The following KLRD1 variants were observed in gnomAD, a reference collection of about 807,000 sequenced individuals.
The protein encoded by KLRD1 is killer cell lectin like receptor D1, also known as natural killer cells antigen CD94.
Under a neutral mutation model 22.6 loss-of-function variants are expected in KLRD1, and 21 were observed. The ratio of observed to expected loss-of-function variants is 0.93; its 90% CI spans 0.66 to 1.34. KLRD1 has a LOEUF of 1.34. Ranked by LOEUF, KLRD1 falls within the 40% of genes most tolerant of loss-of-function variation. The pLI, the probability that KLRD1 is intolerant of heterozygous loss-of-function variation, is 0.00. For synonymous variants in KLRD1, 59 were observed against 71.1 expected, an observed-to-expected ratio of 0.83 and a Z score of 0.85; for missense variants, 183 against 208.6, an observed-to-expected ratio of 0.88 and a Z score of 0.76.
chr12:10,254,500 T>G (rs909603268), intron 1 of KLRD1, among the ~76,000 whole-genome samples: 1 of 151,048 alleles, frequency 6.6e-6, no homozygotes, highest in Non-Finnish European at 1.5e-5. Flanking sequence ...AGAAAATATT[T>G]GCAAACTATG....
chr12:10,273,070 T>C (rs116950613), intron 1 of KLRD1, among the ~76,000 whole-genome samples: 2,020 of 152,302 alleles, frequency 0.013, 22 homozygotes, highest in Non-Finnish European at 0.022. Flanking sequence ...ATATAATCTC[T>C]AACATAATTA....
At chr12:10,302,354 T>C (rs991431864), upstream of KLRD1, among the ~76,000 whole-genome samples, 1 of 152,164 alleles carries the variant, frequency 6.6e-6, no homozygotes, top group Non-Finnish European at 1.5e-5. Flanking sequence ...CCCATAAAAA[T>C]TCAGGATATT....
At chr12:10,305,548 A>T (rs1009557328), upstream of KLRD1, among the ~76,000 whole-genome samples, 20 of 152,212 alleles carry the variant, frequency 1.3e-4, no homozygotes, top group African/African-American at 4.8e-4. Context: ...TGGGCAAAAC[A>T]CAATGTTCAG....
intron 1 of KLRD1, among the ~76,000 whole-genome samples, chr12:10,250,706 T>C (rs1949338930): frequency 6.6e-6 from 1 of 152,118 alleles, no homozygotes; most frequent in African/African-American, 2.4e-5. Context: ...TAAACACATT[T>C]TAAAATTTAC....
At position 10,315,400 on chromosome 12, in the gene KLRD1, A is replaced by G. The variant is rs1003316650; in HGVS notation, c.*607A>G. Reference sequence around the variant, plus strand: ...CTTGGATTCCCAAAGTGCTGGGATTATAGGTGTGAACCACCATCCCTGGCC... The same window carrying G: ...CTTGGATTCCCAAAGTGCTGGGATTGTAGGTGTGAACCACCATCCCTGGCC... On this transcript the variant is annotated 3_prime_UTR_variant, in exon 6 of 6. Coordinates refer to ENST00000336164, the MANE Select transcript of KLRD1 (RefSeq NM_002262.5). 8.9e-5 allele frequency: 29 copies of G among 325,986 alleles called. No homozygotes were observed. The highest frequency in any genetic ancestry group is 6.3e-4 in the African/African-American group (28 of 44,726). 20.2% of individuals were successfully genotyped at this position (325,986 alleles called of 1,614,324 possible). A position where few individuals can be genotyped will look rare whatever the true frequency, so the allele number is the denominator to read the frequency against.
chr12:10,289,893 C>G (rs1949750010), intron 1 of KLRD1, among the ~76,000 whole-genome samples: 1 of 152,172 alleles, frequency 6.6e-6, no homozygotes, highest in African/African-American at 2.4e-5. Context: ...ATTCTCCTGC[C>G]TCAGCCTCCC....
chr12:10,327,132 C>G lies in KLRD1; in HGVS notation c.*12339C>G, dbSNP rs1321865317. The G allele has an allele frequency of 6.6e-6, 1 of 152,096 alleles. No homozygotes were observed. Among genetic ancestry groups the G allele is most frequent in the African/African-American group, 2.4e-5 (1 of 41,406 alleles). The allele number at this position is 152,096 out of a possible 1,614,324, so 9.4% of individuals were successfully genotyped here. ...CTTTGCAATATGGATGTTCATTTTT[C>G]CCGTCACTGTTTGTTGAAGAAACTG... On this transcript the variant is annotated 3_prime_UTR_variant, in exon 6 of 6. Transcript: ENST00000336164.
At chr12:10,285,774 C>G (rs2137659813) in intron 1 of KLRD1, among the ~76,000 whole-genome samples, 1 of 152,212 alleles carries the variant, frequency 6.6e-6, no homozygotes, top group East Asian at 1.9e-4. Flanking sequence ...TTGTGATTGA[C>G]TCTTTCCTAT....
At chr12:10,272,886 T>C (rs950458339) in intron 1 of KLRD1, among the ~76,000 whole-genome samples, 8 of 152,218 alleles carry the variant, frequency 5.3e-5, no homozygotes, top group African/African-American at 1.9e-4. Context: ...CCTTAATTGC[T>C]ATTTTTTTAA....
At chr12:10,260,798 C>T (rs555673961) in intron 1 of KLRD1, among the ~76,000 whole-genome samples, 50 of 152,006 alleles carry the variant, frequency 3.3e-4, no homozygotes, top group African/African-American at 1.1e-3. Context: ...AAAAATTAGC[C>T]GGGTGTGGTG....
rs771543645 is a variant in KLRD1 at position 10,243,631 on chromosome 12, A to AAAAAAAAAAAAAAAAAAAAG, written c.-101+17400_-101+17401insAAAAAAAAAAAAAAAAAGAA. 8.5e-4 allele frequency among the ~76,000 whole-genome samples: 101 copies of AAAAAAAAAAAAAAAAAAAAG among 118,774 alleles called. 16 individuals carry two copies. Among genetic ancestry groups the AAAAAAAAAAAAAAAAAAAAG allele is most frequent in the South Asian group, 2.7e-3 (9 of 3,382 alleles). The allele number at this position is 118,774 out of a possible 152,430, so 77.9% of individuals were successfully genotyped here. On this transcript the variant is annotated intron_variant, in intron 1 of 5. Transcript: ENST00000544747. ...CCAAAAAAAAAAAAAAAAAAAAAAA[A>AAAAAAAAAAAAAAAAAAAAG]AACCGAAATGAAAGATATGGAACAA... is the stretch of plus-strand genomic sequence containing the variant.
rs893522209 is a variant in KLRD1 at position 10,329,380 on chromosome 12, CAATTTTCTT to C, written c.*14599_*14607del. The C allele has an allele frequency of 6.6e-6, 1 of 152,150 alleles. No individual in the cohort carries two copies. The highest frequency in any genetic ancestry group is 1.5e-5 in the Non-Finnish European group (1 of 68,030). 9.4% of individuals were successfully genotyped at this position (152,150 alleles called of 1,614,324 possible). A position where few individuals can be genotyped will look rare whatever the true frequency, so the allele number is the denominator to read the frequency against. ...CTGTAAAAGATACTTGATATGACTT[CAATTTTCTT>C]AATTTTCTTAAGACTTCTTTTATGA... On this transcript the variant is annotated 3_prime_UTR_variant, in exon 6 of 6. Coordinates refer to ENST00000336164, the MANE Select transcript of KLRD1 (RefSeq NM_002262.5).
At chr12:10,313,827 A>G (rs1950157570) in intron 5 of KLRD1, among the ~76,000 whole-genome samples, 3 of 152,222 alleles carry the variant, frequency 2.0e-5, no homozygotes, top group Admixed American at 2.0e-4. Context: ...TTAAAAATAT[A>G]TTATTTTGTA....
At chr12:10,306,380 G>C (rs2137683688), upstream of KLRD1, among the ~76,000 whole-genome samples, 1 of 152,066 alleles carries the variant, frequency 6.6e-6, no homozygotes, top group East Asian at 1.9e-4. Flanking sequence ...ATGAAAAAAA[G>C]GACAATGACT....
chr12:10,300,257 A>T (rs569321824), upstream of KLRD1, among the ~76,000 whole-genome samples: 141 of 152,280 alleles, frequency 9.3e-4, no homozygotes, highest in Non-Finnish European at 1.8e-3. Flanking sequence ...AGCCTTACAA[A>T]ATGTATTTCT....
intron 1 of KLRD1, among the ~76,000 whole-genome samples, chr12:10,245,950 C>T (rs1490238632): frequency 1.3e-5 from 2 of 152,140 alleles, no homozygotes; most frequent in Non-Finnish European, 2.9e-5. Context: ...TCCCAATGTG[C>T]TGGGATTACA....
At chr12:10,265,059 C>A (rs12371701) in intron 1 of KLRD1, among the ~76,000 whole-genome samples, 109,999 of 151,998 alleles carry the variant, frequency 0.72, 43,945 homozygotes, top group Non-Finnish European at 0.92. Flanking sequence ...TACCCTCTCT[C>A]TATATATGTA....
At chr12:10,241,869 C>G (rs542655987) in intron 1 of KLRD1, among the ~76,000 whole-genome samples, 1 of 152,064 alleles carries the variant, frequency 6.6e-6, no homozygotes, top group Non-Finnish European at 1.5e-5. Context: ...ATGATGTTCT[C>G]TTAACCCGTC....
chr12:10,294,234 C>T (rs1949802019), intron 1 of KLRD1, among the ~76,000 whole-genome samples: 2 of 152,092 alleles, frequency 1.3e-5, no homozygotes, highest in African/African-American at 4.8e-5. Context: ...CATGAATTTG[C>T]ACATGTAAAT....
Sources: allele counts gnomAD v4.1 joint callset (sites outside exome capture counted in the v4.1 genomes callset), GRCh38; gene constraint gnomAD v4.1.1; transcripts MANE v1.5; gene names NCBI Gene and HGNC (gene_info 2026-07-23, HGNC 2026-07-21).